The following TXN2 variants were observed in gnomAD, a reference collection of about 807,000 sequenced individuals.
TXN2 encodes the protein thioredoxin 2, also known as thioredoxin, mitochondrial.
A neutral mutation model predicts 14.6 loss-of-function variants in TXN2; 12 were observed. The ratio of observed to expected loss-of-function variants is 0.82; its 90% CI spans 0.53 to 1.33. TXN2 has a LOEUF of 1.33. TXN2 is among the 40% of genes most tolerant of loss of function. The pLI is 0.00. For missense variants in TXN2, 173 were observed against 207.7 expected (o/e 0.83, Z 1.03); for synonymous variants, 89 against 81.0 (o/e 1.10, Z -0.53).
chr22:36,469,041 CATAAATAA>C (rs569570066), intron 3 of TXN2, among the ~76,000 whole-genome samples: 51 of 146,492 alleles, frequency 3.5e-4, no homozygotes, highest in South Asian at 8.4e-4. Flanking sequence ...GACTCCATCT[CATAAATAA>C]ATAAATAAAT....
chr22:36,470,631 G>C (rs753931444), intron 3 of TXN2, among the ~76,000 whole-genome samples: 4 of 152,036 alleles, frequency 2.6e-5, no homozygotes, highest in African/African-American at 9.7e-5. Context: ...TGGACTTAGC[G>C]TTCCTTAAGA....
intron 2 of TXN2, 136 bp downstream of exon 2, chr22:36,480,439 C>T (rs532309777): frequency 9.2e-7 from 1 of 1,082,802 alleles, no homozygotes; most frequent in Non-Finnish European, 1.3e-6. Flanking sequence ...CCCTTGAGGG[C>T]AGGGACTGGG....
At position 36,469,869 on chromosome 22, in the gene TXN2, T is replaced by A. The variant is rs756267445; in HGVS notation, c.388-1952A>T. On this transcript the variant is annotated intron_variant, in intron 3 of 3. Transcript: ENST00000216185. ...TACTCGGGAGGCTGAGGCAGGAGAA[T>A]CGCTTGAACCCGGGAGGCAGAGGTT... Among the ~76,000 whole-genome samples the A allele has an allele frequency of 3.2e-4, 49 of 152,224 alleles. 1 individual carries two copies. Among genetic ancestry groups the A allele is most frequent in the Admixed American group, 1.1e-3 (17 of 15,286 alleles).
In TXN2 at chr22:36,476,974, A is replaced by G. The variant is rs544512573; in HGVS notation, c.264-118T>C. 96 of 1,497,136 alleles carry G rather than the reference A, an allele frequency of 6.4e-5. 2 individuals are homozygous for G. In the South Asian group the frequency reaches 1.2e-3, roughly 18 times the overall value. 92.7% of individuals were successfully genotyped at this position (1,497,136 alleles called of 1,614,324 possible). On this transcript the variant is annotated intron_variant, in intron 2 of 3. Transcript: ENST00000216185. The stretch of plus-strand genomic sequence containing the variant: ...TTTGCCCTTATTATCTCTGTTTACC[A>G]TGTTTAAAAATTAACACACCAAATG...
chr22:36,468,666 A>G, intron 3 of TXN2: 1 of 450,746 alleles, frequency 2.2e-6, no homozygotes, highest in Non-Finnish European at 4.4e-6. Flanking sequence ...CTGAGGCTTC[A>G]GTGAGCTGTG....
At chr22:36,478,610 C>T (rs1036600620) in intron 2 of TXN2, among the ~76,000 whole-genome samples, 28 of 152,204 alleles carry the variant, frequency 1.8e-4, no homozygotes, top group African/African-American at 5.8e-4. Context: ...CTGCCTCAGC[C>T]TCCTGAGTAG....
intron 2 of TXN2, 51 bp from the exon 3 acceptor site, chr22:36,476,907 T>C (rs1202244955): frequency 1.2e-6 from 2 of 1,611,588 alleles, no homozygotes; most frequent in South Asian, 2.2e-5. Context: ...GCGCTCAGCA[T>C]CCCCTACTGG....
intron 3 of TXN2, chr22:36,468,756 C>A: frequency 2.4e-6 from 1 of 412,244 alleles, no homozygotes; most frequent in Non-Finnish European, 4.8e-6. Context: ...TAAAGCAGAG[C>A]TCAGGCTGGG....
chr22:36,475,588 C>T (rs150391669), intron 3 of TXN2, among the ~76,000 whole-genome samples: 3 of 152,184 alleles, frequency 2.0e-5, no homozygotes, highest in Non-Finnish European at 2.9e-5. Context: ...CTTTCGGCTA[C>T]GAGCCCAGCT....
At chr22:36,471,252 T>C (rs1933268300) in intron 3 of TXN2, among the ~76,000 whole-genome samples, 1 of 152,248 alleles carries the variant, frequency 6.6e-6, no homozygotes, top group Admixed American at 6.5e-5. Context: ...TTGCCTGTCC[T>C]GTTCCGTGAA....
At chr22:36,470,861 C>T (rs573046215) in intron 3 of TXN2, among the ~76,000 whole-genome samples, 2 of 152,090 alleles carry the variant, frequency 1.3e-5, no homozygotes, top group South Asian at 2.1e-4. Context: ...TGAACACGCA[C>T]AGACCCTGCT....
intron 3 of TXN2, 93 bp downstream of exon 3, chr22:36,476,640 C>T: frequency 3.2e-6 from 5 of 1,544,132 alleles, no homozygotes; most frequent in South Asian, 2.4e-5. Context: ...TACTGGCTAC[C>T]TGTGCTCCCC....
rs781720947 is a variant in TXN2 at position 36,480,681 on chromosome 22, A to G, written c.157T>C (p.Tyr53His). 7 of 1,614,014 alleles carry G rather than the reference A, an allele frequency of 4.3e-6. No homozygotes were observed. In the Admixed American group the frequency reaches 1.0e-4, roughly 23 times the overall value. Residue 53 changes from tyrosine (Y) to histidine (H), a missense_variant, in exon 2 of 4, where the codon TAC becomes CAC. Physicochemically the swap from Tyr to His is moderately conservative, Grantham distance 83. Transcript: ENST00000216185. ...TVTPNPARTI[Y>H]TTRISLTTFN... The stretch of plus-strand genomic sequence containing the variant: ...GTTGTCAAGGAGATCCTCGTGGTGT[A>G]TATTGTCCGGGCTGGGTTGGGTGTT...
intron 3 of TXN2, chr22:36,468,641 C>A (rs773310828): frequency 1.8e-5 from 8 of 450,080 alleles, no homozygotes; most frequent in Non-Finnish European, 3.6e-5. Context: ...AGGAGGATCG[C>A]TTGAGCCTGG....
At chr22:36,480,542 G>A in intron 2 of TXN2, 33 bp downstream of exon 2, 2 of 1,600,792 alleles carry the variant, frequency 1.2e-6, no homozygotes, top group Non-Finnish European at 1.7e-6. Flanking sequence ...GAACAAGTAG[G>A]ACCCTAGTCT....
intron 3 of TXN2, among the ~76,000 whole-genome samples, chr22:36,470,472 C>T (rs1005371344): frequency 6.6e-6 from 1 of 152,226 alleles, no homozygotes; most frequent in Non-Finnish European, 1.5e-5. Context: ...GCCGGAGCCT[C>T]TTGGCAGAAG....
chr22:36,468,717 C>T (rs893078257), intron 3 of TXN2: 7 of 425,796 alleles, frequency 1.6e-5, no homozygotes, highest in African/African-American at 2.4e-5. Context: ...AGAGACCCTG[C>T]CTCAAAAAAA....
At chr22:36,476,603 G>A in intron 3 of TXN2, 130 bp downstream of exon 3, 2 of 1,265,094 alleles carry the variant, frequency 1.6e-6, no homozygotes, top group Non-Finnish European at 2.2e-6. Flanking sequence ...AAAAAAAAAA[G>A]CTCTGGAAAA....
chr22:36,477,041 C>G (rs533440818), intron 2 of TXN2, among the ~76,000 whole-genome samples, 185 bp from the exon 3 acceptor site: 1 of 152,278 alleles, frequency 6.6e-6, no homozygotes, highest in South Asian at 2.1e-4. Context: ...CTTCACAGAT[C>G]CCAGACTTTT....
Sources: gnomAD v4.1 joint callset for allele counts (sites outside exome capture counted in the v4.1 genomes callset) on GRCh38, gnomAD v4.1.1 for gene constraint, MANE v1.5 for transcripts, NCBI Gene and HGNC (gene_info 2026-07-23, HGNC 2026-07-21) for gene names.